The following PPP1R1C variants were observed in gnomAD, a reference collection of about 807,000 sequenced individuals.
PPP1R1C encodes the protein protein phosphatase 1 regulatory subunit 1C.
PPP1R1C carries 15 observed loss-of-function variants against 17.4 expected under a neutral mutation model. The observed-to-expected ratio is 0.86, with a 90% confidence interval of 0.58 to 1.33. The LOEUF (loss-of-function observed/expected upper bound fraction) is 1.33, where lower values mean the gene tolerates loss of function less well. Among genes scored for constraint, PPP1R1C ranks in the 40% most tolerant of loss-of-function variants. The probability of loss-of-function intolerance (pLI) is 0.00; values close to 1 mark genes in which losing one functional copy is unlikely to be tolerated. For synonymous variants in PPP1R1C, 35 were observed against 43.1 expected (o/e 0.81, Z 0.73); for missense variants, 143 against 130.0 (o/e 1.10, Z -0.48).
intron 2 of PPP1R1C, among the ~76,000 whole-genome samples, chr2:181,978,787 C>G (rs1371209450): frequency 1.3e-5 from 2 of 152,078 alleles, no homozygotes; most frequent in East Asian, 1.9e-4. Context: ...TAGACTACAA[C>G]TCTTGGTGGG....
intron 2 of PPP1R1C, among the ~76,000 whole-genome samples, chr2:182,043,544 T>C (rs747037023): frequency 5.3e-5 from 8 of 150,966 alleles, no homozygotes; most frequent in Middle Eastern, 3.4e-3. Flanking sequence ...ACAAATGATC[T>C]ACCTAAACAG....
At chr2:181,993,228 G>GA (rs1685516488) in intron 2 of PPP1R1C, among the ~76,000 whole-genome samples, 1 of 152,110 alleles carries the variant, frequency 6.6e-6, no homozygotes, top group African/African-American at 2.4e-5. Context: ...AATGAAAGTA[G>GA]AAATTTATTT....
chr2:181,988,493 G>A (rs941451883), intron 2 of PPP1R1C, among the ~76,000 whole-genome samples: 2 of 152,164 alleles, frequency 1.3e-5, no homozygotes, highest in African/African-American at 2.4e-5. Flanking sequence ...TTATTATTCC[G>A]GATAAAAGAC....
At chr2:182,054,872 G>A (rs1005391534) in intron 2 of PPP1R1C, among the ~76,000 whole-genome samples, 4 of 151,938 alleles carry the variant, frequency 2.6e-5, no homozygotes, top group African/African-American at 9.7e-5. Context: ...TGTTGGCTAG[G>A]CTGGTCTCGA....
At chr2:182,070,690 CT>C in intron 4 of PPP1R1C, among the ~76,000 whole-genome samples, 1 of 152,266 alleles carries the variant, frequency 6.6e-6, no homozygotes, top group East Asian at 1.9e-4. Context: ...TAAAACAGTT[CT>C]TGCATTGCTA....
At chr2:182,115,345 T>G (rs567265255) in intron 4 of PPP1R1C, among the ~76,000 whole-genome samples, 5 of 152,308 alleles carry the variant, frequency 3.3e-5, no homozygotes, top group African/African-American at 1.2e-4. Context: ...ACTTTATGAC[T>G]TACTCATTCA....
At chr2:181,960,186 G>A (rs537901239) in intron 1 of PPP1R1C, among the ~76,000 whole-genome samples, 12 of 152,318 alleles carry the variant, frequency 7.9e-5, no homozygotes, top group South Asian at 4.1e-4. Flanking sequence ...TCATTAAGAC[G>A]TGGTGGTTGA....
chr2:182,101,730 C>G (rs1689103140), intron 4 of PPP1R1C, among the ~76,000 whole-genome samples: 2 of 152,282 alleles, frequency 1.3e-5, no homozygotes, highest in African/African-American at 4.8e-5. Flanking sequence ...AGGTGGACTG[C>G]CTTTTAAATT....
At chr2:181,991,578 ACT>A (rs1007018904) in intron 2 of PPP1R1C, among the ~76,000 whole-genome samples, 26 of 152,148 alleles carry the variant, frequency 1.7e-4, no homozygotes, top group Admixed American at 6.5e-4. Flanking sequence ...CCTAGGAATA[ACT>A]CTCAACAGTC....
chr2:182,117,478 G>A lies in PPP1R1C; in HGVS notation c.*183G>A, dbSNP rs1689623223. ...TGAACTTTAGAACTAAGTACACATT[G>A]TTCCACATCACTTATAATTAAAGAA... On this transcript the variant is annotated 3_prime_UTR_variant, in exon 5 of 5. Transcript: ENST00000682840. 2.0e-6 allele frequency: 1 copy of A among 495,718 alleles called. No individual in the cohort carries two copies. The highest frequency in any genetic ancestry group is 2.0e-5 in the African/African-American group (1 of 49,692). The allele number at this position is 495,718 out of a possible 1,614,324, so 30.7% of individuals were successfully genotyped here.
At chr2:181,979,661 C>A (rs1012627707) in intron 2 of PPP1R1C, among the ~76,000 whole-genome samples, 3 of 152,128 alleles carry the variant, frequency 2.0e-5, no homozygotes, top group Non-Finnish European at 4.4e-5. Context: ...ATGTGCATGG[C>A]ATGCAATGTT....
At chr2:181,987,543 C>G (rs541145466) in intron 1 of PPP1R1C, among the ~76,000 whole-genome samples, 1 of 152,262 alleles carries the variant, frequency 6.6e-6, no homozygotes, top group Admixed American at 6.5e-5. Flanking sequence ...TCAGGTCAAC[C>G]CTGTACCTTC....
chr2:182,045,830 A>G (rs1447501752), intron 2 of PPP1R1C, among the ~76,000 whole-genome samples: 1 of 152,152 alleles, frequency 6.6e-6, no homozygotes, highest in African/African-American at 2.4e-5. Flanking sequence ...GACTTAAATG[A>G]GCAATTCTGT....
intron 2 of PPP1R1C, among the ~76,000 whole-genome samples, chr2:182,016,160 T>G (rs1686257334): frequency 6.6e-6 from 1 of 152,042 alleles, no homozygotes; most frequent in South Asian, 2.1e-4. Flanking sequence ...TCCATGGGCA[T>G]CCAATGCGAA....
chr2:182,074,637 G>C (rs1688241322), intron 4 of PPP1R1C, among the ~76,000 whole-genome samples: 1 of 152,050 alleles, frequency 6.6e-6, no homozygotes. Flanking sequence ...AACTTGTCCT[G>C]GTCTATAACA....
chr2:181,969,194 G>C (rs980666938), intron 1 of PPP1R1C, among the ~76,000 whole-genome samples: 1 of 152,106 alleles, frequency 6.6e-6, no homozygotes, highest in African/African-American at 2.4e-5. Flanking sequence ...TTACCAGTGA[G>C]TTTTATACCT....
downstream of PPP1R1C, chr2:182,130,162 C>A (rs1247620882): frequency 6.6e-6 from 1 of 152,040 alleles, no homozygotes; most frequent in African/African-American, 2.4e-5. Context: ...TTCTTGATTT[C>A]TCATAAGTTG....
Position 181,986,051 on chromosome 2 carries a change from C to A in PPP1R1C, c.-60C>A. On this transcript the variant is annotated 5_prime_UTR_variant, in exon 1 of 5. Coordinates refer to ENST00000682840, the MANE Select transcript of PPP1R1C (RefSeq NM_001080545.3). ...TGTGTCTGAGGAAACACATCCCGGA[C>A]ACCACTTAGGGTTAGTCTTTCTGAG... The A allele has an allele frequency of 7.6e-7, 1 of 1,320,194 alleles. No individual in the cohort carries two copies. Among genetic ancestry groups the A allele is most frequent in the Non-Finnish European group, 1.1e-6 (1 of 912,668 alleles). The allele number at this position is 1,320,194 out of a possible 1,614,324, so 81.8% of individuals were successfully genotyped here. A position where few individuals can be genotyped will look rare whatever the true frequency, so the allele number is the denominator to read the frequency against.
chr2:182,014,312 G>C (rs964160873), intron 2 of PPP1R1C, among the ~76,000 whole-genome samples: 1 of 152,180 alleles, frequency 6.6e-6, no homozygotes, highest in East Asian at 1.9e-4. Context: ...GTACTGCCTT[G>C]GGGGTCTTGT....
Sources: allele counts gnomAD v4.1 joint callset (sites outside exome capture counted in the v4.1 genomes callset), GRCh38; gene constraint gnomAD v4.1.1; transcripts MANE v1.5; gene names NCBI Gene and HGNC (gene_info 2026-07-23, HGNC 2026-07-21).